Variants in CDK6 observed in about 807,000 individuals in gnomAD.
CDK6 encodes cyclin dependent kinase 6, also known as cyclin-dependent kinase 6.
A neutral mutation model predicts 37.1 loss-of-function variants in CDK6; 6 were observed. The observed-to-expected ratio is 0.16, with a 90% CI of 0.09 to 0.32. The LOEUF (loss-of-function observed/expected upper bound fraction) is 0.32. Ranked by LOEUF, CDK6 falls within the 10% of genes least tolerant of loss-of-function variation. The pLI, the probability that CDK6 is intolerant of heterozygous loss-of-function variation, is 1.00. For missense variants in CDK6, 224 were observed against 418.9 expected (o/e 0.53, Z 4.06); for synonymous variants, 160 against 161.3 (o/e 0.99, Z 0.06).
chr7:92,792,843 G>A (rs1164904972), intron 2 of CDK6, among the ~76,000 whole-genome samples: 1 of 151,914 alleles, frequency 6.6e-6, no homozygotes. Flanking sequence ...CCAGACACAA[G>A]TCAAGCAATA....
chr7:92,795,847 T>G (rs1016383526), intron 2 of CDK6, among the ~76,000 whole-genome samples: 3 of 152,168 alleles, frequency 2.0e-5, no homozygotes, highest in Admixed American at 2.0e-4. Flanking sequence ...TACAAAGGTT[T>G]GATCTAAGCA....
At chr7:92,831,603 TG>T (rs1234162590) in intron 2 of CDK6, among the ~76,000 whole-genome samples, 1 of 152,144 alleles carries the variant, frequency 6.6e-6, no homozygotes, top group Non-Finnish European at 1.5e-5. Flanking sequence ...AAAATACACA[TG>T]AAAAAAAGTC....
At chr7:92,703,218 T>C (rs1797896031) in intron 4 of CDK6, among the ~76,000 whole-genome samples, 1 of 151,720 alleles carries the variant, frequency 6.6e-6, no homozygotes, top group Admixed American at 6.6e-5. Context: ...GCATTTAAAA[T>C]AGCTCACCTC....
intron 3 of CDK6, among the ~76,000 whole-genome samples, chr7:92,728,451 A>G (rs1309493513): frequency 6.6e-6 from 1 of 152,204 alleles, no homozygotes; most frequent in African/African-American, 2.4e-5. Flanking sequence ...CCACTAATAA[A>G]ATTCTGCAAT....
At chr7:92,651,559 G>C (rs1796574936) in intron 5 of CDK6, among the ~76,000 whole-genome samples, 1 of 152,126 alleles carries the variant, frequency 6.6e-6, no homozygotes, top group Admixed American at 6.5e-5. Context: ...AGTGAGTTAG[G>C]GACTAGGAGT....
intron 3 of CDK6, among the ~76,000 whole-genome samples, chr7:92,738,108 G>C (rs919893965): frequency 2.4e-4 from 36 of 152,020 alleles, no homozygotes; most frequent in African/African-American, 8.0e-4. Flanking sequence ...TTATGATAGA[G>C]GTAGCCAATG....
intron 2 of CDK6, among the ~76,000 whole-genome samples, chr7:92,801,954 C>T (rs1292064056): frequency 6.9e-6 from 1 of 145,572 alleles, no homozygotes; most frequent in Non-Finnish European, 1.5e-5. Context: ...TCTCTCCTCC[C>T]CTCCCCCCCG....
chr7:92,829,785 T>A (rs1801429710), intron 2 of CDK6, among the ~76,000 whole-genome samples: 1 of 152,208 alleles, frequency 6.6e-6, no homozygotes, highest in African/African-American at 2.4e-5. Flanking sequence ...ATCAGAAATA[T>A]CAGTTGTTCT....
At chr7:92,681,678 T>C (rs1035203416) in intron 4 of CDK6, among the ~76,000 whole-genome samples, 1 of 152,218 alleles carries the variant, frequency 6.6e-6, no homozygotes, top group Non-Finnish European at 1.5e-5. Context: ...GTGGTGTCTG[T>C]GTAGCAATTT....
chr7:92,622,758 G>A (rs1795831637), intron 6 of CDK6, among the ~76,000 whole-genome samples: 1 of 151,940 alleles, frequency 6.6e-6, no homozygotes. Context: ...AAATGTATTT[G>A]AACTAAAAGA....
chr7:92,675,885 T>C (rs1449949784), intron 4 of CDK6, among the ~76,000 whole-genome samples: 1 of 152,118 alleles, frequency 6.6e-6, no homozygotes, highest in African/African-American at 2.4e-5. Context: ...ATAGTATTTC[T>C]TATAATCATT....
chr7:92,724,988 T>C, intron 4 of CDK6: 1 of 976,416 alleles, frequency 1.0e-6, no homozygotes, highest in African/African-American at 1.7e-5. Context: ...CCAATGTCAA[T>C]AGCTATTATG....
intron 5 of CDK6, among the ~76,000 whole-genome samples, chr7:92,628,054 G>C (rs1172107608): frequency 6.6e-6 from 1 of 152,098 alleles, no homozygotes; most frequent in Non-Finnish European, 1.5e-5. Context: ...CTGGAGACAT[G>C]TGCTCCGCAA....
At chr7:92,713,001 GGA>G (rs1798136935) in intron 4 of CDK6, among the ~76,000 whole-genome samples, 2 of 152,134 alleles carry the variant, frequency 1.3e-5, no homozygotes, top group Admixed American at 1.3e-4. Context: ...TGGGACTACA[GGA>G]ATGCGCCACC....
chr7:92,713,635 ATTTGT>A (rs915753202), intron 4 of CDK6, among the ~76,000 whole-genome samples: 7 of 150,720 alleles, frequency 4.6e-5, no homozygotes, highest in South Asian at 2.1e-4. Context: ...TACCAAGTCA[ATTTGT>A]TTTAAGTCCT....
intron 3 of CDK6, among the ~76,000 whole-genome samples, chr7:92,726,999 T>C (rs989252990): frequency 6.6e-6 from 1 of 152,172 alleles, no homozygotes; most frequent in Non-Finnish European, 1.5e-5. Flanking sequence ...GAGGAGCGGA[T>C]CATTCAGGAT....
rs74520851 is a variant in CDK6, at chr7:92,826,860, A to G, written c.233+6231T>C. ...GGTTTAAAATTTCAATCAATCAGGAAACATATACGGGTTAACCAATGGTTA... is the reference window on the plus strand; with the variant it reads ...GGTTTAAAATTTCAATCAATCAGGAGACATATACGGGTTAACCAATGGTTA... On this transcript the variant is annotated intron_variant, in intron 2 of 7. Transcript: ENST00000424848. Among the ~76,000 whole-genome samples the G allele has an allele frequency of 4.4e-3, 677 of 152,238 alleles. 4 individuals carry two copies. Among genetic ancestry groups the G allele is most frequent in the African/African-American group, 0.015 (627 of 41,540 alleles).
intron 2 of CDK6, among the ~76,000 whole-genome samples, chr7:92,831,934 T>C (rs1293665405): frequency 1.3e-5 from 2 of 152,244 alleles, no homozygotes; most frequent in Non-Finnish European, 2.9e-5. Context: ...TAATGTTAAA[T>C]TGTTTGACTT....
intron 2 of CDK6, among the ~76,000 whole-genome samples, chr7:92,806,584 T>C (rs914811338): frequency 5.3e-5 from 8 of 152,194 alleles, no homozygotes; most frequent in African/African-American, 1.9e-4. Flanking sequence ...CACTTACCTA[T>C]ACATTTAAAG....
Sources: gnomAD v4.1 joint callset for allele counts (sites outside exome capture counted in the v4.1 genomes callset) on GRCh38, gnomAD v4.1.1 for gene constraint, MANE v1.5 for transcripts, NCBI Gene and HGNC (gene_info 2026-07-23, HGNC 2026-07-21) for gene names.